The following ADK variants were observed in gnomAD, a reference collection of about 807,000 sequenced individuals.
The protein encoded by ADK is adenosine kinase.
A neutral mutation model predicts 44.7 loss-of-function variants in ADK; 24 were observed. The observed-to-expected ratio is 0.54, with a 90% CI of 0.39 to 0.76. The LOEUF is 0.76. ADK is among the 30% of genes least tolerant of loss of function. The pLI is 0.00. For missense variants in ADK, 321 were observed against 425.1 expected, an observed-to-expected ratio of 0.76 and a Z score of 2.15; for synonymous variants, 128 against 142.6, an observed-to-expected ratio of 0.90 and a Z score of 0.73.
chr10:74,432,290 A>T (rs1272808793), intron 6 of ADK, among the ~76,000 whole-genome samples: 2 of 152,228 alleles, frequency 1.3e-5, no homozygotes. Flanking sequence ...AGATTTGTTA[A>T]TATATTCAGA....
chr10:74,167,661 C>A (rs1361126410), intron 1 of ADK, among the ~76,000 whole-genome samples: 1 of 152,190 alleles, frequency 6.6e-6, no homozygotes, highest in Non-Finnish European at 1.5e-5. Flanking sequence ...TGGCAGCCCT[C>A]TCAAAGGCTA....
At chr10:74,244,222 G>A (rs1256176151) in intron 3 of ADK, among the ~76,000 whole-genome samples, 1 of 152,110 alleles carries the variant, frequency 6.6e-6, no homozygotes, top group African/African-American at 2.4e-5. Context: ...TTTCAAAGAA[G>A]TATTCATAAG....
At chr10:74,373,527 A>T (rs941199892) in intron 4 of ADK, among the ~76,000 whole-genome samples, 3 of 152,174 alleles carry the variant, frequency 2.0e-5, no homozygotes, top group African/African-American at 7.2e-5. Context: ...GCAGTTTCCC[A>T]AAAGAAGATA....
chr10:74,372,388 G>A (rs536737028), intron 4 of ADK: 12 of 731,280 alleles, frequency 1.6e-5, no homozygotes, highest in Non-Finnish European at 3.0e-5. Flanking sequence ...GCCATTGAAT[G>A]GGTAGGAGCA....
At chr10:74,481,078 C>T (rs1847055266) in intron 6 of ADK, among the ~76,000 whole-genome samples, 1 of 152,002 alleles carries the variant, frequency 6.6e-6, no homozygotes, top group South Asian at 2.1e-4. Context: ...ATGTATTCAG[C>T]ATGGTGCACT....
chr10:74,690,679 C>A (rs754274657), intron 10 of ADK, among the ~76,000 whole-genome samples: 4 of 152,162 alleles, frequency 2.6e-5, no homozygotes, highest in African/African-American at 9.7e-5. Flanking sequence ...CATTCAACAC[C>A]CAGCTCATGT....
intron 3 of ADK, among the ~76,000 whole-genome samples, chr10:74,265,637 ACTT>A (rs1846188097): frequency 6.6e-6 from 1 of 152,210 alleles, no homozygotes; most frequent in South Asian, 2.1e-4. Context: ...CAAAGTCAGA[ACTT>A]CTATACACTT....
intron 10 of ADK, among the ~76,000 whole-genome samples, chr10:74,678,877 T>C (rs1165960337): frequency 6.6e-6 from 1 of 152,208 alleles, no homozygotes; most frequent in South Asian, 2.1e-4. Context: ...TCAGCTGCTA[T>C]TAAATGAATC....
At chr10:74,377,248 G>A (rs1377955954) in intron 4 of ADK, among the ~76,000 whole-genome samples, 1 of 152,182 alleles carries the variant, frequency 6.6e-6, no homozygotes, top group Non-Finnish European at 1.5e-5. Flanking sequence ...CTGGAAAAGA[G>A]AACTTTATTT....
rs111362132 is a variant in ADK, at chr10:74,603,460, C to T, written c.877+2967C>T. On this transcript the variant is annotated intron_variant, in intron 9 of 10. Coordinates refer to ENST00000539909, the MANE Select transcript of ADK (RefSeq NM_006721.4). ...TGTGTGATGTTGCCCTCCTTGTGTC[C>T]GTGTGTTCTCATTGTTCAATTCCCA... Among the ~76,000 whole-genome samples the T allele has an allele frequency of 2.5e-3, 383 of 152,108 alleles. 1 individual carries two copies. Among genetic ancestry groups the T allele is most frequent in the African/African-American group, 8.6e-3 (358 of 41,512 alleles).
intron 3 of ADK, among the ~76,000 whole-genome samples, chr10:74,264,304 T>C (rs565927581): frequency 2.6e-5 from 4 of 152,318 alleles, no homozygotes; most frequent in African/African-American, 9.6e-5. Context: ...TTGCTAAGAA[T>C]TGGTATAAAC....
chr10:74,635,627 G>A (rs1853599047), intron 9 of ADK, among the ~76,000 whole-genome samples: 1 of 152,116 alleles, frequency 6.6e-6, no homozygotes, highest in Admixed American at 6.5e-5. Flanking sequence ...AGTTCTACTT[G>A]TCTTGACAGT....
At chr10:74,650,954 G>A (rs1251051493) in intron 9 of ADK, among the ~76,000 whole-genome samples, 1 of 152,140 alleles carries the variant, frequency 6.6e-6, no homozygotes, top group East Asian at 1.9e-4. Context: ...TGTATTGTTT[G>A]ATGGAAAACT....
intron 3 of ADK, among the ~76,000 whole-genome samples, chr10:74,274,740 A>ATATATATATATATATATATATATATG (rs1591969638): frequency 7.9e-6 from 1 of 126,852 alleles, no homozygotes; most frequent in Admixed American, 8.4e-5. Flanking sequence ...GTGTATATAT[A>ATATATATATATATATATATATATATG]TATATATACA....
chr10:74,631,583 G>A (rs1853426766), intron 9 of ADK, among the ~76,000 whole-genome samples: 1 of 151,842 alleles, frequency 6.6e-6, no homozygotes, highest in South Asian at 2.1e-4. Flanking sequence ...TAAAACATGA[G>A]TACACAGTAG....
chr10:74,668,884 A>G (rs1415423979), intron 9 of ADK, among the ~76,000 whole-genome samples: 1 of 151,472 alleles, frequency 6.6e-6, no homozygotes, highest in Admixed American at 6.6e-5. Context: ...CCGCCCCCCA[A>G]AAAAAAGCAA....
intron 7 of ADK, among the ~76,000 whole-genome samples, chr10:74,582,011 A>G (rs1383876154): frequency 6.6e-6 from 1 of 152,198 alleles, no homozygotes; most frequent in Non-Finnish European, 1.5e-5. Context: ...GATAAAAATA[A>G]TGCTAATTTT....
chr10:74,229,861 A>C (rs1564607025), intron 3 of ADK, among the ~76,000 whole-genome samples: 1 of 151,492 alleles, frequency 6.6e-6, no homozygotes, highest in Non-Finnish European at 1.5e-5. Context: ...ATATAGTGAG[A>C]CTCTTGTCTC....
At chr10:74,192,240 T>G (rs1255688558) in intron 1 of ADK, among the ~76,000 whole-genome samples, 1 of 152,150 alleles carries the variant, frequency 6.6e-6, no homozygotes, top group African/African-American at 2.4e-5. Context: ...TTTATTTGTT[T>G]TTTTTGAGAC....
Sources: gnomAD v4.1 joint callset for allele counts (sites outside exome capture counted in the v4.1 genomes callset) on GRCh38, gnomAD v4.1.1 for gene constraint, MANE v1.5 for transcripts, NCBI Gene and HGNC (gene_info 2026-07-23, HGNC 2026-07-21) for gene names.